LCTL: variants seen among roughly 807,000 people sequenced by gnomAD.
The protein encoded by LCTL is lactase like.
A neutral mutation model predicts 75.8 loss-of-function variants in LCTL; 76 were observed. That is an observed-to-expected ratio of 1.00 (90% CI 0.83 to 1.21). The LOEUF is 1.21. LCTL is among the 50% of genes most tolerant of loss of function. The pLI, the probability that LCTL is intolerant of heterozygous loss-of-function variation, is 0.00. For missense variants in LCTL, 670 were observed against 712.4 expected, an observed-to-expected ratio of 0.94 and a Z score of 0.68; for synonymous variants, 271 against 268.8, an observed-to-expected ratio of 1.01 and a Z score of -0.08.
At chr15:66,558,163 C>T in intron 6 of LCTL, 127 bp from the exon 8 acceptor site, 1 of 675,616 alleles carries the variant, frequency 1.5e-6, no homozygotes, top group South Asian at 3.7e-5. Context: ...CTTGTTTATC[C>T]CGATCCAGTC....
chr15:66,550,417 C>T (rs1895554238), intron 11 of LCTL, among the ~76,000 whole-genome samples: 1 of 152,128 alleles, frequency 6.6e-6, no homozygotes. Flanking sequence ...CGGGGCTCAC[C>T]TTAAAATAGT....
chr15:66,552,232 CAG>C (rs1895625518), intron 9 of LCTL, 63 bp from the exon 11 acceptor site: 2 of 1,431,170 alleles, frequency 1.4e-6, no homozygotes, highest in African/African-American at 2.8e-5. Context: ...GTTTCTGAGT[CAG>C]AGGCTCATAT....
intron 11 of LCTL, among the ~76,000 whole-genome samples, chr15:66,551,345 CAAA>C (rs67322943): frequency 6.1e-3 from 306 of 50,532 alleles, no homozygotes; most frequent in African/African-American, 0.022. Flanking sequence ...GATTCTGTCT[CAAA>C]AAAAAAAAAA....
chr15:66,552,667 C>CAAAAA (rs752480803), intron 9 of LCTL, among the ~76,000 whole-genome samples: 25 of 53,078 alleles, frequency 4.7e-4, no homozygotes, highest in African/African-American at 1.2e-3. Flanking sequence ...GAGACTGTCT[C>CAAAAA]AAAAAAAAAA....
rs548477812 is a variant in LCTL at position 66,548,491 on chromosome 15, C to G, written c.1703G>C (p.Ter568SerextTer10). ...AGCTCCAAAATTGATAATCCTGTCT[C>G]AGCTCTGCCTCCTCAGGAGGAGCAT... is the stretch of plus-strand genomic sequence containing the variant. Residue 568 changes from the stop codon to serine, a stop_lost, in exon 13 of 13, where the codon TGA becomes TCA. Coordinates refer to ENST00000341509, the Ensembl canonical transcript of LCTL. The G allele has an allele frequency of 3.1e-5, 48 of 1,565,298 alleles. 1 individual carries two copies. In the South Asian group the frequency reaches 5.1e-4, roughly 16 times the overall value.
At chr15:66,560,900 T>C (rs1460410718) in intron 6 of LCTL, 106 bp downstream of exon 7, 3 of 913,126 alleles carry the variant, frequency 3.3e-6, no homozygotes, top group Non-Finnish European at 5.1e-6. Flanking sequence ...CTATGGAGTA[T>C]GCTGACTCGG....
chr15:66,552,226 C>T, intron 9 of LCTL, 57 bp from the exon 11 acceptor site: 1 of 1,500,994 alleles, frequency 6.7e-7, no homozygotes, highest in Non-Finnish European at 9.1e-7. Flanking sequence ...AGGTAGGTTT[C>T]TGAGTCAGAG....
intron 11 of LCTL, 28 bp downstream of exon 12, chr15:66,551,634 A>G: frequency 6.3e-7 from 1 of 1,580,028 alleles, no homozygotes; most frequent in Non-Finnish European, 8.7e-7. Context: ...TAAAGTTCAG[A>G]ACAGATAACA....
At position 66,564,670 on chromosome 15, in the gene LCTL, A is replaced by G; in HGVS notation, c.282+6T>C. On this transcript the variant is annotated splice_donor_region_variant and intron_variant, in intron 2 of 12. Transcript: ENST00000341509. ...GCACACACACACACTCACACCCCGC[A>G]CTCACCTGGACCTTGTAGTAGCCGT... 6.2e-7 allele frequency: 1 copy of G among 1,610,208 alleles called. No individual in the cohort carries two copies. The highest frequency in any genetic ancestry group is 8.5e-7 in the Non-Finnish European group (1 of 1,179,666).
In LCTL at chr15:66,551,086, C is replaced by T. The variant is rs113844107; in HGVS notation, c.1524+576G>A. Among the ~76,000 whole-genome samples, 1,263 of 151,992 alleles carry T rather than the reference C, an allele frequency of 8.3e-3. 26 individuals carry two copies. The highest frequency in any genetic ancestry group is 0.029 in the African/African-American group (1,207 of 41,460). ...GATTTGGGCCAGGCGCGGTGGCTCACGCCTGTAATCCCAGCACTTTAGGAG... is the reference window on the plus strand; with the variant it reads ...GATTTGGGCCAGGCGCGGTGGCTCATGCCTGTAATCCCAGCACTTTAGGAG... On this transcript the variant is annotated intron_variant, in intron 11 of 12. Coordinates refer to ENST00000341509, the Ensembl canonical transcript of LCTL.
chr15:66,550,216 G>T, intron 11 of LCTL, 112 bp from the exon 13 acceptor site: 1 of 636,124 alleles, frequency 1.6e-6, no homozygotes, highest in Non-Finnish European at 2.8e-6. Context: ...AAATCTATCT[G>T]TAGTTTATGT....
exon 13 of LCTL, chr15:66,548,396 C>A: frequency 1.8e-6 from 1 of 545,248 alleles, no homozygotes; most frequent in Non-Finnish European, 3.2e-6. Context: ...TATTGTAGAA[C>A]CTGAAAACAG....
At chr15:66,554,431 C>G (rs1259196241) in intron 8 of LCTL, among the ~76,000 whole-genome samples, 1 of 152,068 alleles carries the variant, frequency 6.6e-6, no homozygotes, top group Non-Finnish European at 1.5e-5. Context: ...TGTACTCCAG[C>G]CTGGGCAACA....
intron 2 of LCTL, 95 bp downstream of exon 3, chr15:66,564,581 C>A: frequency 1.4e-6 from 2 of 1,379,332 alleles, no homozygotes; most frequent in South Asian, 1.4e-5. Context: ...GTCATCAGAG[C>A]TCCCCCAAAC....
intron 3 of LCTL, 107 bp from the exon 5 acceptor site, chr15:66,563,732 C>A: frequency 1.1e-6 from 1 of 898,140 alleles, no homozygotes. Flanking sequence ...AGGCCTGAGG[C>A]ACCCTCAGCC....
chr15:66,564,221 A>C, intron 2 of LCTL: 1 of 575,044 alleles, frequency 1.7e-6, no homozygotes, highest in Non-Finnish European at 3.1e-6. Context: ...CACTGAGAGA[A>C]GTCCATCAGG....
At chr15:66,558,647 G>C (rs189406680) in intron 6 of LCTL, among the ~76,000 whole-genome samples, 3 of 151,584 alleles carry the variant, frequency 2.0e-5, no homozygotes, top group Admixed American at 6.6e-5. Flanking sequence ...AACTCAAAGC[G>C]GGGCCCAAGA....
chr15:66,554,363 G>A (rs1217790305), intron 8 of LCTL, among the ~76,000 whole-genome samples: 1 of 151,922 alleles, frequency 6.6e-6, no homozygotes, highest in Non-Finnish European at 1.5e-5. Context: ...GGAAGCTGAG[G>A]CAGGAGAATC....
chr15:66,555,878 G>A (rs1895728585), intron 8 of LCTL, among the ~76,000 whole-genome samples: 3 of 152,250 alleles, frequency 2.0e-5, no homozygotes, highest in Non-Finnish European at 2.9e-5. Context: ...TTTTTCTAAA[G>A]AAGATCTACA....
Sources: gnomAD v4.1 joint callset for allele counts (sites outside exome capture counted in the v4.1 genomes callset) on GRCh38, gnomAD v4.1.1 for gene constraint, MANE v1.5 for transcripts, NCBI Gene and HGNC (gene_info 2026-07-23, HGNC 2026-07-21) for gene names.